Variants in FOLH1 observed in about 807,000 individuals in gnomAD.
The protein encoded by FOLH1 is folate hydrolase 1.
A neutral mutation model predicts 93.9 loss-of-function variants in FOLH1; 54 were observed. The observed-to-expected ratio is 0.57, with a 90% confidence interval of 0.46 to 0.72. FOLH1 has a LOEUF of 0.72. Ranked by LOEUF, FOLH1 falls within the 30% of genes least tolerant of loss-of-function variation. The probability of loss-of-function intolerance (pLI) is 0.00; values close to 1 mark genes in which losing one functional copy is unlikely to be tolerated. For synonymous variants in FOLH1, 249 were observed against 303.6 expected, an observed-to-expected ratio of 0.82 and a Z score of 1.87; for missense variants, 571 against 892.5, an observed-to-expected ratio of 0.64 and a Z score of 4.59.
intron 3 of FOLH1, among the ~76,000 whole-genome samples, chr11:49,194,242 A>AG (rs2135268545): frequency 6.6e-6 from 1 of 152,132 alleles, no homozygotes; most frequent in East Asian, 1.9e-4. Context: ...GCAGGAAAAA[A>AG]GGGTTCCAGA....
rs1270251071 is a variant in FOLH1 at position 49,208,364 on chromosome 11, G to A, written c.46C>T (p.Arg16Cys). Residue 16 changes from arginine to cysteine, a missense_variant, in exon 1 of 19, where the codon CGC (arginine) becomes TGC (cysteine). By Grantham distance (180) the Arg-to-Cys change is radical (BLOSUM62 -3). Coordinates refer to ENST00000256999, the MANE Select transcript of FOLH1 (RefSeq NM_004476.3). ...HETDSAVATA[R>C]RPRWLCAGAL... is the part of the protein sequence containing the mutation. ...CCAGCGCACAGCCAGCGCGGGCGGC[G>A]CGCGGTGGCCACAGCCGAGTCGGTT... The A allele has an allele frequency of 1.1e-5, 17 of 1,602,794 alleles. No homozygotes were observed. The highest frequency in any genetic ancestry group is 3.3e-5 in the South Asian group (3 of 89,858).
chr11:49,153,875 A>G lies in FOLH1; in HGVS notation c.1941T>C (p.Ser647=), dbSNP rs199517010. The part of the protein sequence containing the change: ...KNFTEIASKF[S]ERLQDFDKSN... ...TTTTGTCAAAGTCCTGGAGTCTCTCACTGAACTTGGAAGCAATTTCTGTAA... is the reference window on the plus strand; with the variant it reads ...TTTTGTCAAAGTCCTGGAGTCTCTCGCTGAACTTGGAAGCAATTTCTGTAA... Residue 647 remains serine (S), a synonymous_variant, in exon 17 of 19, where the codon AGT becomes AGC. Transcript: ENST00000256999. 5.0e-6 allele frequency: 8 copies of G among 1,605,700 alleles called. No homozygotes were observed. The East Asian group carries it at 1.8e-4, about 36-fold the overall frequency.
chr11:49,183,120 T>A (rs749476525), intron 7 of FOLH1, 29 bp downstream of exon 7: 1 of 1,553,304 alleles, frequency 6.4e-7, no homozygotes, highest in South Asian at 1.2e-5. Flanking sequence ...ATTACCCAAA[T>A]AGCCATCCAT....
chr11:49,195,583 A>G (rs968680890), intron 3 of FOLH1, among the ~76,000 whole-genome samples: 2 of 152,098 alleles, frequency 1.3e-5, no homozygotes, highest in African/African-American at 4.8e-5. Flanking sequence ...AATAAAATAT[A>G]AAGCAAAGAT....
intron 17 of FOLH1, 67 bp downstream of exon 17, chr11:49,153,779 T>G: frequency 9.4e-7 from 1 of 1,066,450 alleles, no homozygotes; most frequent in Non-Finnish European, 1.3e-6. Flanking sequence ...ACAGTCATGT[T>G]AGTTTACTTT....
intron 15 of FOLH1, among the ~76,000 whole-genome samples, chr11:49,155,096 G>T (rs966820970): frequency 6.6e-6 from 1 of 151,896 alleles, no homozygotes. Context: ...TGAATTGCTG[G>T]TTTATCACTT....
intron 17 of FOLH1, among the ~76,000 whole-genome samples, chr11:49,153,099 A>G (rs1000785326): frequency 6.6e-6 from 1 of 152,184 alleles, no homozygotes; most frequent in Non-Finnish European, 1.5e-5. Flanking sequence ...TGATATTTAT[A>G]TCATGATACT....
At chr11:49,156,406 A>G (rs561469245) in intron 15 of FOLH1, among the ~76,000 whole-genome samples, 3 of 152,152 alleles carry the variant, frequency 2.0e-5, no homozygotes, top group Non-Finnish European at 4.4e-5. Flanking sequence ...GACAATTCCT[A>G]CATTTCCAAC....
chr11:49,154,727 GA>G (rs2134900569), intron 15 of FOLH1, among the ~76,000 whole-genome samples: 1 of 151,978 alleles, frequency 6.6e-6, no homozygotes, highest in South Asian at 2.1e-4. Context: ...AAAATTATTT[GA>G]AAGGGACCAA....
Position 49,208,282 on chromosome 11 carries a change from G to GC in FOLH1, c.118+9dup, listed in dbSNP as rs748586370. ...GACTCCGAGGTTTGCTCCGCGAGGCGCCCCCCTACCGAAGAGGAAGCCGAG... is the reference window on the plus strand; with the variant it reads ...GACTCCGAGGTTTGCTCCGCGAGGCGCCCCCCCTACCGAAGAGGAAGCCGAG... On this transcript the variant is annotated intron_variant, in intron 1 of 18. Coordinates refer to ENST00000256999, the MANE Select transcript of FOLH1 (RefSeq NM_004476.3). 10 of 1,525,914 alleles carry GC rather than the reference G, an allele frequency of 6.6e-6. No individual in the cohort carries two copies. In the South Asian group the frequency reaches 8.4e-5, roughly 13 times the overall value. 94.5% of individuals were successfully genotyped at this position (1,525,914 alleles called of 1,614,324 possible). A position where few individuals can be genotyped will look rare whatever the true frequency, so the allele number is the denominator to read the frequency against.
intron 3 of FOLH1, among the ~76,000 whole-genome samples, chr11:49,196,254 T>C (rs191362206): frequency 1.3e-5 from 2 of 152,228 alleles, no homozygotes; most frequent in East Asian, 3.9e-4. Flanking sequence ...TGACAAACAA[T>C]AAAGTCATTT....
chr11:49,197,059 T>C, intron 3 of FOLH1, among the ~76,000 whole-genome samples: 1 of 152,220 alleles, frequency 6.6e-6, no homozygotes, highest in Non-Finnish European at 1.5e-5. Context: ...TTTCCCATAT[T>C]TTTTTCTGTG....
At chr11:49,171,427 T>G in intron 10 of FOLH1, 150 bp from the exon 11 acceptor site, 1 of 1,107,104 alleles carries the variant, frequency 9.0e-7, no homozygotes, top group Non-Finnish European at 1.3e-6. Context: ...TACGTAACTT[T>G]TTTTGTAAGA....
At chr11:49,173,846 T>C (rs1025383943) in intron 9 of FOLH1, among the ~76,000 whole-genome samples, 1 of 152,144 alleles carries the variant, frequency 6.6e-6, no homozygotes, top group African/African-American at 2.4e-5. Flanking sequence ...ACATAGGAAG[T>C]TCTCCAATTC....
chr11:49,193,025 G>C, intron 3 of FOLH1, 131 bp from the exon 4 acceptor site: 1 of 606,000 alleles, frequency 1.7e-6, no homozygotes, highest in South Asian at 3.2e-5. Context: ...TTTGATGATA[G>C]TATCAGATAC....
At chr11:49,154,099 T>C in intron 16 of FOLH1, 129 bp downstream of exon 16, 4 of 1,409,634 alleles carry the variant, frequency 2.8e-6, no homozygotes, top group Middle Eastern at 1.9e-4. Context: ...AATACATTTA[T>C]AGACATAAAC....
intron 7 of FOLH1, among the ~76,000 whole-genome samples, chr11:49,180,655 T>C (rs1860616860): frequency 6.6e-6 from 1 of 152,198 alleles, no homozygotes; most frequent in South Asian, 2.1e-4. Context: ...ATTGAGTATC[T>C]TGGCACACTC....
At chr11:49,197,164 A>G (rs1316980200) in intron 3 of FOLH1, among the ~76,000 whole-genome samples, 1 of 152,238 alleles carries the variant, frequency 6.6e-6, no homozygotes, top group African/African-American at 2.4e-5. Flanking sequence ...GAACAAAGTC[A>G]TTATATAAGC....
intron 2 of FOLH1, among the ~76,000 whole-genome samples, chr11:49,201,487 T>C (rs1344220899): frequency 6.6e-6 from 1 of 151,550 alleles, no homozygotes; most frequent in South Asian, 2.1e-4. Flanking sequence ...TTTTTTAAAA[T>C]TGGAATTTCC....
Sources: allele counts gnomAD v4.1 joint callset (sites outside exome capture counted in the v4.1 genomes callset), GRCh38; gene constraint gnomAD v4.1.1; transcripts MANE v1.5; gene names NCBI Gene and HGNC (gene_info 2026-07-23, HGNC 2026-07-21).